The following EML5 variants were observed in gnomAD, a reference collection of about 807,000 sequenced individuals.
EML5 encodes the protein echinoderm microtubule-associated protein-like 5.
EML5 carries 120 observed loss-of-function variants against 250.0 expected under a neutral mutation model. The observed-to-expected ratio is 0.48, with a 90% CI of 0.41 to 0.56. EML5 has a LOEUF of 0.56. Ranked by LOEUF, EML5 falls within the 20% of genes least tolerant of loss-of-function variation. The pLI is 0.00. For synonymous variants in EML5, 771 were observed against 806.5 expected (o/e 0.96, Z 0.75); for missense variants, 2,006 against 2,437.6 (o/e 0.82, Z 3.73).
At position 88,702,523 on chromosome 14, in the gene EML5, G is replaced by A. The variant is rs1286985230; in HGVS notation, c.2161C>T (p.Arg721Cys). ...VIYNRQQNTQ[R>C]FYLGHDDDIL... ...TCATCATCATGACCCAGATAAAAACGCTGTGTGTTTTGCTGTCGATTATAA... is the reference window on the plus strand; with the variant it reads ...TCATCATCATGACCCAGATAAAAACACTGTGTGTTTTGCTGTCGATTATAA... Residue 721 changes from arginine (R) to cysteine (C), a missense_variant, in exon 14 of 44, where the codon CGT (arginine) becomes TGT (cysteine). Arg to Cys is a radical substitution (Grantham distance 180). Coordinates refer to ENST00000554922, the MANE Select transcript of EML5 (RefSeq NM_183387.3). 4 of 1,613,050 alleles carry A rather than the reference G, an allele frequency of 2.5e-6. No individual in the cohort carries two copies. The highest frequency in any genetic ancestry group is 2.2e-5 in the East Asian group (1 of 44,830).
intron 37 of EML5, chr14:88,621,512 G>A: frequency 1.7e-6 from 1 of 590,114 alleles, no homozygotes; most frequent in East Asian, 2.8e-5. Context: ...ACATATTAGA[G>A]TCCATGCTAC....
At chr14:88,774,488 T>C (rs2094429148) in intron 1 of EML5, among the ~76,000 whole-genome samples, 1 of 152,246 alleles carries the variant, frequency 6.6e-6, no homozygotes, top group African/African-American at 2.4e-5. Context: ...GCTCTTCCTT[T>C]TCCCCTGGGC....
intron 7 of EML5, among the ~76,000 whole-genome samples, chr14:88,733,832 TA>T (rs2093797785): frequency 6.6e-6 from 1 of 152,186 alleles, no homozygotes; most frequent in Non-Finnish European, 1.5e-5. Flanking sequence ...AACATAAAAA[TA>T]TAACCACTAA....
At position 88,622,662 on chromosome 14, in the gene EML5, G is replaced by T. The variant is rs1381537630; in HGVS notation, c.4955C>A (p.Ala1652Asp). The T allele has an allele frequency of 6.2e-7, 1 of 1,610,978 alleles. No individual in the cohort carries two copies. The change falls in exon 37 of 44, where the codon GCC becomes GAC. Residue 1652 changes from alanine to aspartate, a missense_variant. Coordinates refer to ENST00000554922, the MANE Select transcript of EML5 (RefSeq NM_183387.3). ...GGCTTGTCCTGTCTCAAGCCTGAAG[G>T]CACGGCACCGCCTCAGTTCCTGATC... is the stretch of plus-strand genomic sequence containing the variant. ...LWDQELRRCR[A>D]FRLETGQATD...
intron 1 of EML5, among the ~76,000 whole-genome samples, chr14:88,791,866 G>C (rs917350077): frequency 1.3e-5 from 2 of 152,154 alleles, no homozygotes; most frequent in Non-Finnish European, 1.5e-5. Context: ...CGCGCTCCCC[G>C]GGAGCAGCCC....
In EML5 at chr14:88,663,036, C is replaced by G; in HGVS notation, c.3493G>C (p.Val1165Leu). 1.3e-6 allele frequency: 2 copies of G among 1,550,836 alleles called. No homozygotes were observed. Among genetic ancestry groups the G allele is most frequent in the Non-Finnish European group, 1.7e-6 (2 of 1,146,438 alleles). ...PRGKKQTIPSVEVEKIAWASW... is the reference protein window; with the variant it reads ...PRGKKQTIPSLEVEKIAWASW... ...AAGCACCACTGTTGTCCTACCTCCA[C>G]GCTGGGGATGGTTTGTTTTTTCCCT... The change falls in exon 24 of 44, where the codon GTG becomes CTG. Residue 1165 changes from valine (V) to leucine (L), a missense_variant. Physicochemically the swap from Val to Leu is conservative, Grantham distance 32. This residue lies in a region of EML5 where 1,375 missense variants were observed against 1,590.3 expected (regional missense o/e 0.86). Transcript: ENST00000554922.
At chr14:88,650,005 C>T (rs1330492579) in intron 27 of EML5, 79 bp from the exon 28 acceptor site, 2 of 1,026,066 alleles carry the variant, frequency 1.9e-6, no homozygotes, top group Non-Finnish European at 2.7e-6. Context: ...TTTTAGCAAA[C>T]AGAAGAAAGG....
chr14:88,684,728 C>T (rs1017304047), intron 20 of EML5, among the ~76,000 whole-genome samples: 3 of 151,528 alleles, frequency 2.0e-5, no homozygotes, highest in Non-Finnish European at 2.9e-5. Flanking sequence ...GCAATTATTC[C>T]ATAGAAGAAT....
intron 27 of EML5, among the ~76,000 whole-genome samples, chr14:88,652,750 TC>T (rs1241615932): frequency 4.6e-5 from 7 of 152,200 alleles, no homozygotes; most frequent in African/African-American, 2.4e-5. Context: ...GCTTCTGAAG[TC>T]CATGCCATTC....
intron 30 of EML5, among the ~76,000 whole-genome samples, 185 bp from the exon 31 acceptor site, chr14:88,643,207 T>G (rs991291705): frequency 1.3e-5 from 2 of 152,116 alleles, no homozygotes; most frequent in Non-Finnish European, 2.9e-5. Context: ...TTTGGGCAGC[T>G]TAAACATACA....
intron 8 of EML5, among the ~76,000 whole-genome samples, chr14:88,723,551 A>G (rs1022307029): frequency 1.3e-5 from 2 of 152,174 alleles, no homozygotes; most frequent in Non-Finnish European, 2.9e-5. Flanking sequence ...ATTAGAGTTA[A>G]TAATAATGTA....
intron 1 of EML5, among the ~76,000 whole-genome samples, chr14:88,788,814 T>C (rs2094576216): frequency 6.6e-6 from 1 of 151,702 alleles, no homozygotes; most frequent in African/African-American, 2.4e-5. Context: ...TCCCAACACT[T>C]TGGGAGGCGG....
intron 8 of EML5, among the ~76,000 whole-genome samples, chr14:88,720,716 A>T (rs2093576730): frequency 6.6e-6 from 1 of 152,194 alleles, no homozygotes; most frequent in Non-Finnish European, 1.5e-5. Flanking sequence ...AAACTGGCAC[A>T]AGACAAGGAT....
In EML5 at chr14:88,692,015, C is replaced by T. The variant is rs144197391; in HGVS notation, c.2539+2292G>A. ...CCAAGACAGAAATACTGAGTAAAATCGGCCTTCCATGTTCTCAGGTTTTGC... is the reference window on the plus strand; with the variant it reads ...CCAAGACAGAAATACTGAGTAAAATTGGCCTTCCATGTTCTCAGGTTTTGC... On this transcript the variant is annotated intron_variant, in intron 17 of 43. Coordinates refer to ENST00000554922, the MANE Select transcript of EML5 (RefSeq NM_183387.3). Among the ~76,000 whole-genome samples, 93 of 152,236 alleles carry T rather than the reference C, an allele frequency of 6.1e-4. 1 individual carries two copies. The East Asian group carries it at 0.016, about 26-fold the overall frequency.
chr14:88,752,501 C>T (rs2094110830), intron 2 of EML5, among the ~76,000 whole-genome samples: 1 of 152,124 alleles, frequency 6.6e-6, no homozygotes, highest in Non-Finnish European at 1.5e-5. Context: ...TTGCCAAACA[C>T]TGCTATATGG....
At chr14:88,742,376 T>G (rs577790492) in intron 4 of EML5, among the ~76,000 whole-genome samples, 1 of 152,128 alleles carries the variant, frequency 6.6e-6, no homozygotes, top group African/African-American at 2.4e-5. Flanking sequence ...TGTGTTTAAA[T>G]AGCTATGTAT....
At chr14:88,653,465 G>C (rs183472822) in intron 27 of EML5, among the ~76,000 whole-genome samples, 2 of 152,256 alleles carry the variant, frequency 1.3e-5, no homozygotes, top group African/African-American at 4.8e-5. Context: ...TTTGAGATAT[G>C]TTCCATCAAA....
intron 1 of EML5, among the ~76,000 whole-genome samples, chr14:88,755,480 C>CA (rs568942937): frequency 2.9e-4 from 43 of 149,902 alleles, no homozygotes; most frequent in African/African-American, 6.1e-4. Context: ...CCATAATTCG[C>CA]AAAAAAAAAT....
intron 21 of EML5, among the ~76,000 whole-genome samples, chr14:88,672,073 T>C (rs2092477528): frequency 1.3e-5 from 2 of 152,124 alleles, no homozygotes; most frequent in Admixed American, 1.3e-4. Flanking sequence ...TACAGAACTC[T>C]CCAACCAAAA....
Sources: allele counts gnomAD v4.1 joint callset (sites outside exome capture counted in the v4.1 genomes callset), GRCh38; gene constraint gnomAD v4.1.1; regional missense constraint gnomAD v4.1.1; transcripts MANE v1.5; gene names NCBI Gene and HGNC (gene_info 2026-07-23, HGNC 2026-07-21).